The following SYNE2 variants were observed in gnomAD, a reference collection of about 807,000 sequenced individuals.
SYNE2 encodes the protein nesprin-2.
Under a neutral mutation model 856.3 loss-of-function variants are expected in SYNE2, and 431 were observed. The ratio of observed to expected loss-of-function variants is 0.50; its 90% CI spans 0.47 to 0.55. The LOEUF (loss-of-function observed/expected upper bound fraction) is 0.55, where lower values mean the gene tolerates loss of function less well. Among genes scored for constraint, SYNE2 ranks in the 20% least tolerant of loss-of-function variants. SYNE2 has a pLI of 0.00. For missense variants in SYNE2, 8,129 were observed against 8,023.2 expected, an observed-to-expected ratio of 1.01 and a Z score of -0.50; for synonymous variants, 2,923 against 2,872.3, an observed-to-expected ratio of 1.02 and a Z score of -0.56.
chr14:63,768,800 A>G lies in SYNE2; in HGVS notation c.-305+6814A>G, dbSNP rs994866796. Among the ~76,000 whole-genome samples the G allele has an allele frequency of 1.4e-4, 22 of 152,252 alleles. 1 individual carries two copies. The highest frequency in any genetic ancestry group is 6.8e-3 in the Middle Eastern group (2 of 294). On this transcript the variant is annotated intron_variant, in intron 1 of 23. Coordinates refer to the SYNE2 transcript ENST00000674003. ...GTTGGTGCCTTGAGGAGCAAGGTAC[A>G]AGGTGCATATCACTAGTCTGGCTTC...
upstream of SYNE2, among the ~76,000 whole-genome samples, chr14:63,849,226 G>A (rs1890325051): frequency 6.7e-6 from 1 of 149,510 alleles, no homozygotes; most frequent in Non-Finnish European, 1.5e-5. Context: ...GTTAGACAGA[G>A]ATAGCATAAC....
intron 105 of SYNE2, 65 bp from the exon 106 acceptor site, chr14:64,214,129 C>T (rs1219103299): frequency 8.7e-6 from 14 of 1,612,934 alleles, no homozygotes; most frequent in African/African-American, 6.7e-5. Flanking sequence ...GCAGACTTCT[C>T]ATGCTCTTCT....
At chr14:64,144,520 A>C (rs1457030909) in intron 83 of SYNE2, among the ~76,000 whole-genome samples, 2 of 152,246 alleles carry the variant, frequency 1.3e-5, no homozygotes, top group African/African-American at 4.8e-5. Context: ...GACAATTCAC[A>C]AAAGAGGAAA....
Position 64,049,872 on chromosome 14 carries a change from A to G in SYNE2, c.7639A>G (p.Lys2547Glu), listed in dbSNP as rs746140364. 3 of 1,614,020 alleles carry G rather than the reference A, an allele frequency of 1.9e-6. No homozygotes were observed. Among genetic ancestry groups the G allele is most frequent in the Admixed American group, 1.7e-5 (1 of 60,008 alleles). Reference sequence around the variant, plus strand: ...CTTGTTGACAGACAAGGAAAGTCTTAAAGTGTAAGTGTAAGAATTTAGGAC... The same window carrying G: ...CTTGTTGACAGACAAGGAAAGTCTTGAAGTGTAAGTGTAAGAATTTAGGAC... ...KALLTDKESL[K>E]VGPLDSVTYL... is the part of the protein sequence containing the mutation. The change falls in exon 47 of 116, where the codon AAA (lysine) becomes GAA (glutamate). Residue 2547 changes from lysine to glutamate, a missense_variant. Physicochemically the swap from Lys to Glu is moderately conservative, Grantham distance 56 (BLOSUM62 1). Coordinates refer to ENST00000555002, the MANE Select transcript of SYNE2 (RefSeq NM_182914.3).
intron 65 of SYNE2, 90 bp from the exon 66 acceptor site, chr14:64,113,251 T>C: frequency 6.2e-7 from 1 of 1,604,894 alleles, no homozygotes; most frequent in Non-Finnish European, 8.5e-7. Context: ...TTGTTTCTTT[T>C]AACTGGGGAA....
intron 8 of SYNE2, chr14:63,961,024 A>C: frequency 2.0e-6 from 1 of 501,332 alleles, no homozygotes; most frequent in Non-Finnish European, 3.5e-6. Flanking sequence ...TACTTGTTCC[A>C]TGAATGAATG....
At chr14:64,024,087 T>C (rs2096958904) in intron 38 of SYNE2, 170 bp from the exon 39 acceptor site, 4 of 621,468 alleles carry the variant, frequency 6.4e-6, no homozygotes, top group Admixed American at 4.8e-5. Context: ...GTCAGAACTA[T>C]TATAAATCAT....
chr14:64,010,181 G>GAT, intron 32 of SYNE2, 65 bp downstream of exon 32: 1 of 1,482,402 alleles, frequency 6.7e-7, no homozygotes, highest in African/African-American at 1.4e-5. Flanking sequence ...GTAGTAAAGA[G>GAT]ATATTATAGA....
rs543084590 is a variant in SYNE2 at position 64,188,851 on chromosome 14, C to T, written c.17871+143C>T. 4.4e-5 allele frequency: 38 copies of T among 862,154 alleles called. No individual in the cohort carries two copies. The South Asian group carries it at 5.0e-4, about 11-fold the overall frequency. 53.4% of individuals were successfully genotyped at this position (862,154 alleles called of 1,614,324 possible). A position where few individuals can be genotyped will look rare whatever the true frequency, so the allele number is the denominator to read the frequency against. On this transcript the variant is annotated intron_variant, in intron 98 of 115. Transcript: ENST00000555002. ...TTGAAGGGACTTCACTATTTTCGAT[C>T]CTTTTGAGAGAACAGTTGGAAGAGA...
chr14:64,152,576 C>G lies in SYNE2; in HGVS notation c.15652C>G (p.Gln5218Glu). 1.2e-6 allele frequency: 2 copies of G among 1,613,964 alleles called. No homozygotes were observed. Among genetic ancestry groups the G allele is most frequent in the Non-Finnish European group, 1.7e-6 (2 of 1,179,956 alleles). ...CTTACTCTTCCAGGATATAGAAAAT[C>G]AACTTGCAATTAAATCCAAAGCACT... ...LLLDCQDIEN[Q>E]LAIKSKALDE... The change falls in exon 85 of 116, where the codon CAA (glutamine) becomes GAA (glutamate). Residue 5218 changes from glutamine to glutamate, a missense_variant. By Grantham distance (29) the Gln-to-Glu change is conservative. Around this residue, in one of 3 missense-constraint regions of SYNE2, gnomAD observed 5,410 missense variants for 5,284.8 expected, o/e 1.02. Transcript: ENST00000555002.
At chr14:64,152,782 A>G (rs1018090309) in intron 85 of SYNE2, 66 bp downstream of exon 85, 12 of 1,604,294 alleles carry the variant, frequency 7.5e-6, no homozygotes, top group African/African-American at 1.3e-5. Context: ...TTGTCGTTGT[A>G]GTTGTTTTCG....
chr14:64,190,468 G>A, intron 99 of SYNE2: 2 of 650,508 alleles, frequency 3.1e-6, no homozygotes, highest in South Asian at 3.6e-5. Flanking sequence ...ACATGAATTA[G>A]AGTAGTTTTA....
Position 63,812,125 on chromosome 14 carries a change from G to A in SYNE2, c.-304-40376G>A, listed in dbSNP as rs144106477. Among the ~76,000 whole-genome samples, 1,302 of 152,242 alleles carry A rather than the reference G, an allele frequency of 8.6e-3. 17 individuals carry two copies. The highest frequency in any genetic ancestry group is 0.03 in the African/African-American group (1,230 of 41,522). ...AGCCTGAGGGTACTGCAGGAGACCAGGGTGTATTTCAGTCCTTATCTCAAC... is the reference window on the plus strand; with the variant it reads ...AGCCTGAGGGTACTGCAGGAGACCAAGGTGTATTTCAGTCCTTATCTCAAC... On this transcript the variant is annotated intron_variant, in intron 1 of 23. Transcript: ENST00000674003.
chr14:63,909,027 T>G (rs2095441170), intron 1 of SYNE2, 71 bp from the exon 2 acceptor site: 1 of 792,102 alleles, frequency 1.3e-6, no homozygotes, highest in African/African-American at 1.7e-5. Flanking sequence ...GCTGCTGTTT[T>G]CTGGCAATGC....
intron 68 of SYNE2, 40 bp from the exon 69 acceptor site, chr14:64,121,972 G>A: frequency 6.2e-7 from 1 of 1,611,700 alleles, no homozygotes; most frequent in Non-Finnish European, 8.5e-7. Flanking sequence ...TAATCGAAAA[G>A]CTTGATGGAT....
chr14:63,799,110 G>A (rs889389985), intron 1 of SYNE2, among the ~76,000 whole-genome samples: 5 of 152,080 alleles, frequency 3.3e-5, no homozygotes, highest in African/African-American at 9.7e-5. Flanking sequence ...ACAGACTTTC[G>A]CTCTGTCATC....
chr14:64,005,380 G>A (rs963975917), intron 30 of SYNE2, among the ~76,000 whole-genome samples: 2 of 152,206 alleles, frequency 1.3e-5, no homozygotes, highest in African/African-American at 4.8e-5. Flanking sequence ...TTGAGATTCT[G>A]TATATAGTTT....
At chr14:64,188,971 AG>A (rs1346888845) in intron 98 of SYNE2, 1 of 702,610 alleles carries the variant, frequency 1.4e-6, no homozygotes, top group Admixed American at 2.0e-5. Context: ...TCACCAGGGA[AG>A]GGGCTTACAT....
At chr14:64,138,762 C>T (rs1438472267) in intron 79 of SYNE2, among the ~76,000 whole-genome samples, 1 of 152,124 alleles carries the variant, frequency 6.6e-6, no homozygotes, top group Non-Finnish European at 1.5e-5. Context: ...AACATTTAAA[C>T]ATCATTCTCA....
Sources: gnomAD v4.1 joint callset for allele counts (sites outside exome capture counted in the v4.1 genomes callset) on GRCh38, gnomAD v4.1.1 for gene constraint, gnomAD v4.1.1 regional missense constraint, MANE v1.5 for transcripts, NCBI Gene and HGNC (gene_info 2026-07-23, HGNC 2026-07-21) for gene names.